The following MAST4 variants were observed in gnomAD, a reference collection of about 807,000 sequenced individuals.
The protein encoded by MAST4 is microtubule-associated serine/threonine-protein kinase 4.
Under a neutral mutation model 162.7 loss-of-function variants are expected in MAST4, and 89 were observed. The ratio of observed to expected loss-of-function variants is 0.55; its 90% CI spans 0.46 to 0.65. MAST4 has a LOEUF of 0.65. Ranked by LOEUF, MAST4 falls within the 30% of genes least tolerant of loss-of-function variation. The probability of loss-of-function intolerance (pLI) is 0.00; values close to 1 mark genes in which losing one functional copy is unlikely to be tolerated. For missense variants in MAST4, 3,153 were observed against 3,374.0 expected, an observed-to-expected ratio of 0.93 and a Z score of 1.62; for synonymous variants, 1,479 against 1,361.1, an observed-to-expected ratio of 1.09 and a Z score of -1.91.
Position 66,921,279 on chromosome 5 carries a change from C to T in MAST4, c.674+21297C>T, listed in dbSNP as rs78971217. On this transcript the variant is annotated intron_variant, in intron 4 of 28. Coordinates refer to ENST00000403625, the MANE Select transcript of MAST4 (RefSeq NM_001164664.2). ...CTGACTAGAAAACAATAATATACCT[C>T]CAAAAATATTTCAGGCCTCATGTTC... Among the ~76,000 whole-genome samples the T allele has an allele frequency of 9.3e-3, 1,418 of 152,162 alleles. 12 individuals are homozygous for T. Among genetic ancestry groups the T allele is most frequent in the Non-Finnish European group, 0.013 (860 of 68,006 alleles).
At position 66,760,265 on chromosome 5, in the gene MAST4, A is replaced by G. The variant is rs1384954333; in HGVS notation, c.517+403A>G. Among the ~76,000 whole-genome samples, 5 of 151,648 alleles carry G rather than the reference A, an allele frequency of 3.3e-5. No homozygotes were observed. The East Asian group carries it at 9.7e-4, about 29-fold the overall frequency. Reference sequence around the variant, plus strand: ...TGAGTAGCTGGGATTACAGGCACACACCACCACGCCCAGCTAATTTTTGTA... The same window carrying G: ...TGAGTAGCTGGGATTACAGGCACACGCCACCACGCCCAGCTAATTTTTGTA... On this transcript the variant is annotated intron_variant, in intron 2 of 28. Transcript: ENST00000403625.
At chr5:67,029,622 T>A (rs1268820527) in intron 4 of MAST4, among the ~76,000 whole-genome samples, 1 of 152,104 alleles carries the variant, frequency 6.6e-6, no homozygotes, top group Non-Finnish European at 1.5e-5. Context: ...GGCAAGGTGA[T>A]GGTGTGTTTT....
At chr5:67,066,871 C>T (rs1469459847) in intron 5 of MAST4, among the ~76,000 whole-genome samples, 1 of 152,150 alleles carries the variant, frequency 6.6e-6, no homozygotes, top group East Asian at 1.9e-4. Flanking sequence ...TTAATGCTTG[C>T]TGCAAATGAC....
chr5:66,611,688 A>T (rs926460167), intron 1 of MAST4, among the ~76,000 whole-genome samples: 1 of 152,242 alleles, frequency 6.6e-6, no homozygotes, highest in African/African-American at 2.4e-5. Flanking sequence ...GGTGTAAGCC[A>T]TTGCTGGGAT....
chr5:67,053,884 A>G (rs1051407797), intron 4 of MAST4, among the ~76,000 whole-genome samples: 5 of 152,238 alleles, frequency 3.3e-5, no homozygotes, highest in Admixed American at 1.3e-4. Context: ...AATGCCATAT[A>G]CAAGATGAAA....
At chr5:67,118,659 A>T in intron 12 of MAST4, 23 bp from the exon 13 acceptor site, 2 of 1,448,248 alleles carry the variant, frequency 1.4e-6, no homozygotes, top group Admixed American at 2.0e-5. Flanking sequence ...TATTAAGCTT[A>T]ACTTTTTTTT....
intron 4 of MAST4, among the ~76,000 whole-genome samples, chr5:66,948,480 T>G (rs1420376614): frequency 6.6e-6 from 1 of 152,040 alleles, no homozygotes. Flanking sequence ...CCTTTTGTTG[T>G]CCCCCTCCTC....
chr5:67,004,229 T>A (rs1478769958), intron 4 of MAST4, among the ~76,000 whole-genome samples: 2 of 151,908 alleles, frequency 1.3e-5, no homozygotes, highest in Non-Finnish European at 2.9e-5. Flanking sequence ...CCCTTTCCCG[T>A]GAGCCCCCGC....
rs1013139131 is a variant in MAST4, at chr5:66,917,751, G to C, written c.674+17769G>C. On this transcript the variant is annotated intron_variant, in intron 4 of 28. Transcript: ENST00000403625. The stretch of plus-strand genomic sequence containing the variant: ...TGGACTCTCTATTCTACTCCTATCT[G>C]TCTGTTTCTGTGCCAACACCATTCT... 2.6e-5 allele frequency among the ~76,000 whole-genome samples: 4 copies of C among 152,024 alleles called. No homozygotes were observed. In the East Asian group the frequency reaches 7.7e-4, roughly 29 times the overall value.
In MAST4 at chr5:67,069,163, A is replaced by G. The variant is rs182947831; in HGVS notation, c.763+14671A>G. The stretch of plus-strand genomic sequence containing the variant: ...CTGCTCATCTTTTATCCTTAGATAT[A>G]AAGAAGTTATATTTCAGGTTAATTT... On this transcript the variant is annotated intron_variant, in intron 5 of 28. Coordinates refer to ENST00000403625, the MANE Select transcript of MAST4 (RefSeq NM_001164664.2). 3.3e-5 allele frequency among the ~76,000 whole-genome samples: 5 copies of G among 152,020 alleles called. No homozygotes were observed. The East Asian group carries it at 9.7e-4, about 29-fold the overall frequency.
chr5:66,807,992 C>T (rs1756286060), intron 3 of MAST4, among the ~76,000 whole-genome samples: 1 of 152,238 alleles, frequency 6.6e-6, no homozygotes, highest in Non-Finnish European at 1.5e-5. Context: ...TACTGTGCCA[C>T]CCTGGTCTTC....
intron 3 of MAST4, among the ~76,000 whole-genome samples, chr5:66,837,886 ATATATATATTTTTTT>A (rs1157316362): frequency 3.8e-5 from 2 of 52,842 alleles, no homozygotes; most frequent in African/African-American, 1.8e-4. Flanking sequence ...ATATATATAT[ATATATATATTTTTTT>A]TTTTTTTTTT....
At chr5:67,061,294 C>T (rs7706264) in intron 5 of MAST4, among the ~76,000 whole-genome samples, 10 of 152,300 alleles carry the variant, frequency 6.6e-5, no homozygotes, top group East Asian at 1.9e-4. Flanking sequence ...TCTTACTATT[C>T]GTAATGTACA....
At chr5:66,777,579 TA>T (rs1754662096) in intron 2 of MAST4, among the ~76,000 whole-genome samples, 1 of 152,146 alleles carries the variant, frequency 6.6e-6, no homozygotes, top group Non-Finnish European at 1.5e-5. Context: ...AGTTTGATTT[TA>T]TGAGTTTAGA....
intron 1 of MAST4, among the ~76,000 whole-genome samples, chr5:66,709,082 A>G (rs549759251): frequency 3.0e-4 from 45 of 152,210 alleles, no homozygotes; most frequent in Non-Finnish European, 5.1e-4. Flanking sequence ...ATTTTTTTGC[A>G]GGTGGCTGTA....
At chr5:66,613,606 C>T (rs930287126) in intron 1 of MAST4, among the ~76,000 whole-genome samples, 1 of 152,124 alleles carries the variant, frequency 6.6e-6, no homozygotes, top group Admixed American at 6.5e-5. Context: ...CAGGCTGCCC[C>T]AGGCCCCAGG....
chr5:66,965,810 T>A (rs112999236), intron 4 of MAST4, among the ~76,000 whole-genome samples: 2 of 152,172 alleles, frequency 1.3e-5, no homozygotes, highest in East Asian at 3.8e-4. Flanking sequence ...AGTTTGACTT[T>A]CATTTTGTAA....
chr5:66,934,947 A>G (rs984923252), intron 4 of MAST4, among the ~76,000 whole-genome samples: 6 of 152,200 alleles, frequency 3.9e-5, no homozygotes, highest in Non-Finnish European at 8.8e-5. Context: ...AGTGATAATT[A>G]CTATAGTTAG....
intron 5 of MAST4, among the ~76,000 whole-genome samples, chr5:67,081,408 G>T (rs570876992): frequency 1.3e-5 from 2 of 151,992 alleles, no homozygotes; most frequent in Non-Finnish European, 2.9e-5. Flanking sequence ...AGAGGTCAAA[G>T]TGAGGTGAAT....
Sources: gnomAD v4.1 joint callset for allele counts (sites outside exome capture counted in the v4.1 genomes callset) on GRCh38, gnomAD v4.1.1 for gene constraint, MANE v1.5 for transcripts, NCBI Gene and HGNC (gene_info 2026-07-23, HGNC 2026-07-21) for gene names.